Variants in TENM3 observed in about 807,000 individuals in gnomAD.
The protein encoded by TENM3 is teneurin-3.
Under a neutral mutation model 255.1 loss-of-function variants are expected in TENM3, and 63 were observed. The ratio of observed to expected loss-of-function variants is 0.25; its 90% CI spans 0.20 to 0.30. The LOEUF (loss-of-function observed/expected upper bound fraction) is 0.30, where lower values mean the gene tolerates loss of function less well. Ranked by LOEUF, TENM3 falls within the 10% of genes least tolerant of loss-of-function variation. The pLI is 1.00. For missense variants in TENM3, 2,929 were observed against 3,461.1 expected (o/e 0.85, Z 3.86); for synonymous variants, 1,306 against 1,322.3 (o/e 0.99, Z 0.27).
At chr4:182,774,893 A>T in intron 23 of TENM3, 25 bp from the exon 24 acceptor site, 1 of 1,528,426 alleles carries the variant, frequency 6.5e-7, no homozygotes, top group East Asian at 2.3e-5. Context: ...CTAATAGTTC[A>T]TGTTTTGTGC....
chr4:181,715,795 CT>C, the TENM3 span, among the ~76,000 whole-genome samples: 7 of 152,168 alleles, frequency 4.6e-5, no homozygotes, highest in African/African-American at 1.7e-4. Context: ...ATTGATGGCG[CT>C]GGCTTGGCAA....
At chr4:181,765,458 G>A in the TENM3 span, among the ~76,000 whole-genome samples, 254 of 152,166 alleles carry the variant, frequency 1.7e-3, no homozygotes, top group Non-Finnish European at 3.0e-3. Flanking sequence ...GCAACAACCC[G>A]CTATGAATCT....
the TENM3 span, among the ~76,000 whole-genome samples, chr4:181,957,803 G>C: frequency 1.3e-5 from 2 of 152,152 alleles, no homozygotes; most frequent in Non-Finnish European, 2.9e-5. Context: ...TTTTGATAGA[G>C]AACGAACAAT....
intron 3 of TENM3, among the ~76,000 whole-genome samples, chr4:182,404,989 G>A (rs1321917590): frequency 6.6e-6 from 1 of 152,166 alleles, no homozygotes; most frequent in Non-Finnish European, 1.5e-5. Flanking sequence ...GCATCGGGAA[G>A]GTGGCTGAGA....
chr4:182,691,454 T>G (rs1757001537), intron 12 of TENM3, among the ~76,000 whole-genome samples: 1 of 152,262 alleles, frequency 6.6e-6, no homozygotes, highest in African/African-American at 2.4e-5. Flanking sequence ...TCCTACTGTC[T>G]TCATAAACTC....
the TENM3 span, among the ~76,000 whole-genome samples, chr4:181,774,013 T>TTG: frequency 2.3e-5 from 3 of 130,972 alleles, no homozygotes; most frequent in Admixed American, 1.5e-4. Flanking sequence ...GTTTTTTTTT[T>TTG]TTTTTTTTTT....
intron 7 of TENM3, among the ~76,000 whole-genome samples, chr4:182,674,589 T>A (rs1755504499): frequency 6.6e-6 from 1 of 152,254 alleles, no homozygotes; most frequent in Admixed American, 6.5e-5. Flanking sequence ...TTTTGTTTTT[T>A]GTTTGAGACA....
the TENM3 span, among the ~76,000 whole-genome samples, chr4:181,725,289 T>C: frequency 2.4e-3 from 367 of 152,336 alleles, no homozygotes; most frequent in Non-Finnish European, 3.5e-3. Context: ...GAAAGAAAAG[T>C]ATTGAAAATA....
At chr4:181,908,275 A>G in the TENM3 span, among the ~76,000 whole-genome samples, 2 of 152,182 alleles carry the variant, frequency 1.3e-5, no homozygotes, top group Non-Finnish European at 2.9e-5. Context: ...TAGTAGTGAC[A>G]GTTTCTCTTT....
chr4:182,043,191 T>A, the TENM3 span, among the ~76,000 whole-genome samples: 1 of 152,170 alleles, frequency 6.6e-6, no homozygotes, highest in Non-Finnish European at 1.5e-5. Context: ...CAGTGAGTAA[T>A]TAATCAAAAT....
chr4:181,544,104 C>T, the TENM3 span, among the ~76,000 whole-genome samples: 5 of 151,950 alleles, frequency 3.3e-5, no homozygotes, highest in African/African-American at 7.3e-5. Context: ...TATTGCCTTT[C>T]GTTCTAATTC....
chr4:181,740,803 C>A, the TENM3 span, among the ~76,000 whole-genome samples: 2 of 152,140 alleles, frequency 1.3e-5, no homozygotes, highest in Non-Finnish European at 2.9e-5. Context: ...AGACTGGATT[C>A]CTGAAACATT....
the TENM3 span, among the ~76,000 whole-genome samples, chr4:182,077,868 G>C: frequency 6.6e-6 from 1 of 152,064 alleles, no homozygotes; most frequent in African/African-American, 2.4e-5. Flanking sequence ...GCAGTGGCCC[G>C]TCCCACTGTG....
At chr4:181,695,228 G>C in the TENM3 span, among the ~76,000 whole-genome samples, 1 of 152,008 alleles carries the variant, frequency 6.6e-6, no homozygotes, top group Non-Finnish European at 1.5e-5. Flanking sequence ...AAATGTCTTG[G>C]AAGGACACAT....
chr4:182,781,623 G>A (rs1434595249), intron 24 of TENM3, among the ~76,000 whole-genome samples: 8 of 151,360 alleles, frequency 5.3e-5, no homozygotes, highest in Non-Finnish European at 1.5e-5. Flanking sequence ...AGTTTCAGAA[G>A]GAATGGTACC....
chr4:181,558,976 G>A, the TENM3 span, among the ~76,000 whole-genome samples: 1 of 151,958 alleles, frequency 6.6e-6, no homozygotes, highest in Non-Finnish European at 1.5e-5. Context: ...TTGATGTGCT[G>A]GCTAGTAGAG....
the TENM3 span, among the ~76,000 whole-genome samples, chr4:181,530,669 C>A: frequency 6.6e-6 from 1 of 152,264 alleles, no homozygotes; most frequent in East Asian, 1.9e-4. Flanking sequence ...TTTTCAAATT[C>A]TGTAGACATG....
chr4:181,576,805 T>C, the TENM3 span, among the ~76,000 whole-genome samples: 1 of 147,528 alleles, frequency 6.8e-6, no homozygotes, highest in Non-Finnish European at 1.5e-5. Context: ...TTCTTTTCTT[T>C]CTTTTCTTTT....
intron 1 of TENM3, among the ~76,000 whole-genome samples, chr4:182,206,777 A>C (rs996080026): frequency 2.6e-5 from 4 of 152,208 alleles, no homozygotes; most frequent in African/African-American, 9.7e-5. Flanking sequence ...GGAGTAAAAA[A>C]TTAGCAGAAG....
Sources: allele counts gnomAD v4.1 joint callset (sites outside exome capture counted in the v4.1 genomes callset), GRCh38; gene constraint gnomAD v4.1.1; transcripts MANE v1.5; gene names NCBI Gene and HGNC (gene_info 2026-07-23, HGNC 2026-07-21).